CDH18: variants seen among roughly 807,000 people sequenced by gnomAD.
CDH18 encodes cadherin 18.
In CDH18, 31 loss-of-function variants were observed where a neutral mutation model predicts 67.9. The ratio of observed to expected loss-of-function variants is 0.46; its 90% confidence interval spans 0.34 to 0.62. The LOEUF (loss-of-function observed/expected upper bound fraction) is 0.62. Ranked by LOEUF, CDH18 falls within the 20% of genes least tolerant of loss-of-function variation. CDH18 has a pLI of 0.01. For missense variants in CDH18, 890 were observed against 975.5 expected, an observed-to-expected ratio of 0.91 and a Z score of 1.17; for synonymous variants, 362 against 347.2, an observed-to-expected ratio of 1.04 and a Z score of -0.48.
chr5:20,268,264 G>A (rs1174144846), intron 1 of CDH18, among the ~76,000 whole-genome samples: 2 of 152,164 alleles, frequency 1.3e-5, no homozygotes, highest in Non-Finnish European at 2.9e-5. Flanking sequence ...ACATATGCGT[G>A]ATTGTGTCTT....
rs1331752281 is a variant in CDH18 at position 19,719,141 on chromosome 5, A to C, written c.643+2206T>G. Among the ~76,000 whole-genome samples, 2 of 152,030 alleles carry C rather than the reference A, an allele frequency of 1.3e-5. 1 individual carries two copies. The highest frequency in any genetic ancestry group is 3.9e-4 in the East Asian group (2 of 5,188). On this transcript the variant is annotated intron_variant, in intron 5 of 12. Coordinates refer to ENST00000382275, the MANE Select transcript of CDH18 (RefSeq NM_004934.5). ...ACACAAAATTGATGTTTGTTAACCA[A>C]TTGTATGCATAAAAAGTGTAAAATA...
At chr5:19,927,034 C>T (rs1793167140) in intron 2 of CDH18, among the ~76,000 whole-genome samples, 1 of 152,092 alleles carries the variant, frequency 6.6e-6, no homozygotes, top group Admixed American at 6.6e-5. Flanking sequence ...AGTTGCCATA[C>T]TGTTGGCCTT....
chr5:20,011,300 A>G (rs1737416606), intron 2 of CDH18, among the ~76,000 whole-genome samples: 1 of 152,112 alleles, frequency 6.6e-6, no homozygotes, highest in South Asian at 2.1e-4. Context: ...TTGCACATTG[A>G]TTTTATATCC....
At chr5:20,346,050 T>C (rs1184356188) in intron 1 of CDH18, among the ~76,000 whole-genome samples, 3 of 152,170 alleles carry the variant, frequency 2.0e-5, no homozygotes, top group Non-Finnish European at 2.9e-5. Flanking sequence ...CTCACTTTCC[T>C]AAATGTTTCC....
chr5:19,532,224 T>C (rs1399948677), intron 9 of CDH18, among the ~76,000 whole-genome samples: 1 of 152,174 alleles, frequency 6.6e-6, no homozygotes, highest in East Asian at 1.9e-4. Flanking sequence ...ACAAAGTTCT[T>C]TCCAATGAAC....
chr5:19,525,708 TATG>T (rs1259519030), intron 9 of CDH18, among the ~76,000 whole-genome samples: 2 of 152,182 alleles, frequency 1.3e-5, no homozygotes, highest in Non-Finnish European at 2.9e-5. Context: ...TCTGGTATTT[TATG>T]ATATGAGATA....
rs531994170 is a variant in CDH18 at position 19,919,491 on chromosome 5, C to T, written c.-257+61569G>A. 5.9e-5 allele frequency among the ~76,000 whole-genome samples: 9 copies of T among 152,198 alleles called. No individual in the cohort carries two copies. The South Asian group carries it at 1.0e-3, about 18-fold the overall frequency. ...TAACCTGTGGGATCTGTGCTAACGT[C>T]GGGTAGCTACTATCAGAATCAAATT... On this transcript the variant is annotated intron_variant, in intron 2 of 12. Coordinates refer to ENST00000382275, the MANE Select transcript of CDH18 (RefSeq NM_004934.5).
chr5:19,534,255 T>A (rs1307752509), intron 9 of CDH18, among the ~76,000 whole-genome samples: 1 of 152,074 alleles, frequency 6.6e-6, no homozygotes, highest in African/African-American at 2.4e-5. Flanking sequence ...AAATTTCATG[T>A]ATTAAATACA....
chr5:20,192,754 C>A (rs544605508), intron 2 of CDH18, among the ~76,000 whole-genome samples: 2 of 152,138 alleles, frequency 1.3e-5, no homozygotes, highest in South Asian at 2.1e-4. Context: ...GTTACAGTAG[C>A]CTTGTAGTAT....
chr5:19,559,426 C>T (rs1739033086), intron 8 of CDH18, among the ~76,000 whole-genome samples: 1 of 151,388 alleles, frequency 6.6e-6, no homozygotes, highest in Non-Finnish European at 1.5e-5. Context: ...ATAAAAATCA[C>T]ATGATTATCT....
At chr5:19,617,324 T>C (rs140043215) in intron 5 of CDH18, among the ~76,000 whole-genome samples, 1 of 152,330 alleles carries the variant, frequency 6.6e-6, no homozygotes, top group African/African-American at 2.4e-5. Flanking sequence ...ATAGTCCAAG[T>C]AAGAAAGTAT....
At chr5:20,153,875 T>C (rs1269102336) in intron 2 of CDH18, among the ~76,000 whole-genome samples, 5 of 152,106 alleles carry the variant, frequency 3.3e-5, no homozygotes, top group Non-Finnish European at 5.9e-5. Context: ...ACTTTGGGGG[T>C]TGGAGCTTCC....
At chr5:20,553,462 G>A (rs997411035) in intron 1 of CDH18, among the ~76,000 whole-genome samples, 1 of 152,024 alleles carries the variant, frequency 6.6e-6, no homozygotes, top group African/African-American at 2.4e-5. Flanking sequence ...CAGAAACAAC[G>A]CTAACATTTA....
At chr5:20,134,665 T>C (rs768277135) in intron 2 of CDH18, among the ~76,000 whole-genome samples, 4 of 152,138 alleles carry the variant, frequency 2.6e-5, no homozygotes, top group Non-Finnish European at 4.4e-5. Context: ...CCAAACCATA[T>C]CAATAGTTAT....
intron 5 of CDH18, among the ~76,000 whole-genome samples, chr5:19,643,144 G>C (rs1754261333): frequency 6.6e-6 from 1 of 151,944 alleles, no homozygotes; most frequent in Admixed American, 6.6e-5. Context: ...TATTACTTTA[G>C]CCCTCTTAGA....
At chr5:19,497,681 G>C (rs1394479863) in intron 11 of CDH18, among the ~76,000 whole-genome samples, 2 of 152,150 alleles carry the variant, frequency 1.3e-5, no homozygotes, top group African/African-American at 4.8e-5. Context: ...GTATAGATGG[G>C]CGAAGATCTT....
chr5:20,040,932 T>G (rs2150472108), intron 2 of CDH18, among the ~76,000 whole-genome samples: 1 of 152,320 alleles, frequency 6.6e-6, no homozygotes, highest in East Asian at 1.9e-4. Flanking sequence ...ATTGTTTAAG[T>G]ATTTATTTGG....
rs553356987 is a variant in CDH18, at chr5:20,123,868, C to G, written c.-518+131576G>C. Among the ~76,000 whole-genome samples the G allele has an allele frequency of 9.5e-5, 11 of 115,332 alleles. No individual in the cohort carries two copies. The East Asian group carries it at 2.8e-3, about 29-fold the overall frequency. The allele number at this position is 115,332 out of a possible 152,430, so 75.7% of individuals were successfully genotyped here. ...TGCTACTGCACTCCAGCCTGGGAGA[C>G]AGAGCGAGACTCCGTCTCAAAAAAA... On this transcript the variant is annotated intron_variant, in intron 2 of 14. Transcript: ENST00000507958.
At chr5:20,389,956 T>C (rs1048777936) in intron 1 of CDH18, among the ~76,000 whole-genome samples, 9 of 152,120 alleles carry the variant, frequency 5.9e-5, no homozygotes, top group Non-Finnish European at 7.4e-5. Context: ...TGAAACTGGA[T>C]CCCTTCCTTA....
Sources: gnomAD v4.1 joint callset for allele counts (sites outside exome capture counted in the v4.1 genomes callset) on GRCh38, gnomAD v4.1.1 for gene constraint, MANE v1.5 for transcripts, NCBI Gene and HGNC (gene_info 2026-07-23, HGNC 2026-07-21) for gene names.